Variants in RORA observed in about 807,000 individuals in gnomAD.
RORA encodes the protein nuclear receptor ROR-alpha.
In RORA, 7 loss-of-function variants were observed where a neutral mutation model predicts 69.5. The observed-to-expected ratio is 0.10, with a 90% confidence interval of 0.06 to 0.19. The LOEUF is 0.19. Among genes scored for constraint, RORA ranks in the 10% least tolerant of loss-of-function variants. The pLI, the probability that RORA is intolerant of heterozygous loss-of-function variation, is 1.00. For synonymous variants in RORA, 261 were observed against 240.8 expected, an observed-to-expected ratio of 1.08 and a Z score of -0.78; for missense variants, 457 against 663.0, an observed-to-expected ratio of 0.69 and a Z score of 3.41.
At chr15:60,725,851 G>C (rs963820934) in intron 1 of RORA, among the ~76,000 whole-genome samples, 2 of 152,140 alleles carry the variant, frequency 1.3e-5, no homozygotes, top group Non-Finnish European at 2.9e-5. Flanking sequence ...TCAGTCATAC[G>C]AGTGAAGTGG....
chr15:60,800,932 C>T (rs892461734), intron 1 of RORA, among the ~76,000 whole-genome samples: 4 of 152,180 alleles, frequency 2.6e-5, no homozygotes, highest in African/African-American at 4.8e-5. Context: ...GCAGGGGCCA[C>T]GTTGAGCCTG....
intron 1 of RORA, among the ~76,000 whole-genome samples, chr15:60,706,040 A>C (rs2071058272): frequency 6.6e-6 from 1 of 152,168 alleles, no homozygotes; most frequent in Non-Finnish European, 1.5e-5. Context: ...GCACGGTAAA[A>C]AGGGCACACG....
intron 1 of RORA, among the ~76,000 whole-genome samples, chr15:61,080,759 A>T (rs2078527333): frequency 1.3e-5 from 2 of 152,174 alleles, no homozygotes; most frequent in South Asian, 4.1e-4. Flanking sequence ...ATGGGTGTGA[A>T]TGTGGATGCA....
intron 2 of RORA, among the ~76,000 whole-genome samples, chr15:60,645,950 A>G (rs2070037075): frequency 6.6e-6 from 1 of 152,202 alleles, no homozygotes; most frequent in African/African-American, 2.4e-5. Context: ...CAAATCAGTA[A>G]AAAGCAGAAA....
At chr15:60,852,961 A>G (rs2073341362) in intron 1 of RORA, among the ~76,000 whole-genome samples, 1 of 152,220 alleles carries the variant, frequency 6.6e-6, no homozygotes, top group Non-Finnish European at 1.5e-5. Flanking sequence ...TCTTCTGCTG[A>G]CAGCATCTCC....
At chr15:60,832,257 C>T (rs1368815009) in intron 1 of RORA, among the ~76,000 whole-genome samples, 1 of 150,842 alleles carries the variant, frequency 6.6e-6, no homozygotes, top group East Asian at 1.9e-4. Flanking sequence ...TGACAATCTG[C>T]ACTCCCAAGC....
chr15:60,834,029 G>A (rs2073082564), intron 1 of RORA, among the ~76,000 whole-genome samples: 2 of 152,186 alleles, frequency 1.3e-5, no homozygotes, highest in East Asian at 1.9e-4. Flanking sequence ...TGTCCCACTG[G>A]ACAGCCCTAG....
Position 60,661,257 on chromosome 15 carries a change from G to A in RORA, c.196+17400C>T, listed in dbSNP as rs536145170. On this transcript the variant is annotated intron_variant, in intron 2 of 10. Coordinates refer to ENST00000335670, the MANE Select transcript of RORA (RefSeq NM_134261.3). ...GTGCAGTTGCACAAGGCATGCAATC[G>A]GATGTGCTGGGCCAGGCACAATCTG... Among the ~76,000 whole-genome samples the A allele has an allele frequency of 1.6e-4, 25 of 152,220 alleles. 1 individual carries two copies. The South Asian group carries it at 4.8e-3, about 29-fold the overall frequency.
At chr15:60,610,637 G>C (rs894887912) in intron 2 of RORA, among the ~76,000 whole-genome samples, 2 of 152,116 alleles carry the variant, frequency 1.3e-5, no homozygotes, top group Admixed American at 6.6e-5. Flanking sequence ...TATATGATAG[G>C]TGATCACTTT....
intron 1 of RORA, among the ~76,000 whole-genome samples, chr15:60,835,138 A>G (rs553834744): frequency 2.6e-5 from 4 of 152,284 alleles, no homozygotes; most frequent in African/African-American, 9.6e-5. Flanking sequence ...GAGACACCCC[A>G]GTCACTTCAG....
chr15:60,861,528 A>G (rs1446060238), intron 1 of RORA, among the ~76,000 whole-genome samples: 1 of 152,054 alleles, frequency 6.6e-6, no homozygotes, highest in African/African-American at 2.4e-5. Flanking sequence ...AGATAGATTG[A>G]CTGATTGATT....
At chr15:61,046,021 G>A (rs891516041) in intron 1 of RORA, among the ~76,000 whole-genome samples, 3 of 152,068 alleles carry the variant, frequency 2.0e-5, no homozygotes, top group Non-Finnish European at 2.9e-5. Context: ...CTGGAAGGTC[G>A]GTGGGGAGCA....
At chr15:60,867,638 G>A (rs1408194110) in intron 1 of RORA, among the ~76,000 whole-genome samples, 1 of 152,094 alleles carries the variant, frequency 6.6e-6, no homozygotes, top group South Asian at 2.1e-4. Flanking sequence ...AGATGCATTA[G>A]AGCCTAAGTG....
chr15:61,021,701 C>T (rs1354916596), intron 1 of RORA, among the ~76,000 whole-genome samples: 1 of 152,184 alleles, frequency 6.6e-6, no homozygotes. Flanking sequence ...TTAAAATCCT[C>T]TGATGTACTT....
chr15:60,790,655 C>T (rs2072402120), intron 1 of RORA, among the ~76,000 whole-genome samples: 1 of 152,186 alleles, frequency 6.6e-6, no homozygotes, highest in Admixed American at 6.5e-5. Context: ...ACTGAGTCCC[C>T]CATGAAGGAG....
rs1202133261 is a variant in RORA at position 60,911,087 on chromosome 15, T to G, written c.167-232401A>C. ...CCAGCTAATTTTTTTTTTTTTTTTTTTTTTTTTTTTTTTTTTTTTGTATTT... is the reference window on the plus strand; with the variant it reads ...CCAGCTAATTTTTTTTTTTTTTTTTGTTTTTTTTTTTTTTTTTTTGTATTT... On this transcript the variant is annotated intron_variant, in intron 1 of 10. Coordinates refer to ENST00000335670, the MANE Select transcript of RORA (RefSeq NM_134261.3). Among the ~76,000 whole-genome samples the G allele has an allele frequency of 1.7e-3, 92 of 53,086 alleles. 1 individual carries two copies. In the East Asian group the frequency reaches 0.047, roughly 27 times the overall value. 34.8% of individuals were successfully genotyped at this position (53,086 alleles called of 152,430 possible). A position where few individuals can be genotyped will look rare whatever the true frequency, so the allele number is the denominator to read the frequency against.
At chr15:60,777,912 AC>A (rs2140335516) in intron 1 of RORA, among the ~76,000 whole-genome samples, 1 of 152,362 alleles carries the variant, frequency 6.6e-6, no homozygotes, top group African/African-American at 2.4e-5. Context: ...CGGTTGCCTC[AC>A]AAAAGCACAT....
intron 1 of RORA, among the ~76,000 whole-genome samples, chr15:60,817,778 G>A (rs1567201422): frequency 6.6e-6 from 1 of 152,214 alleles, no homozygotes; most frequent in Non-Finnish European, 1.5e-5. Context: ...AAATCACTTG[G>A]CAGAGAGAAT....
At chr15:61,209,126 A>C (rs1011845227) in intron 1 of RORA, among the ~76,000 whole-genome samples, 1 of 152,234 alleles carries the variant, frequency 6.6e-6, no homozygotes, top group Admixed American at 6.5e-5. Flanking sequence ...CTGCTTCAGT[A>C]CTTCTAATGG....
Sources: allele counts gnomAD v4.1 joint callset (sites outside exome capture counted in the v4.1 genomes callset), GRCh38; gene constraint gnomAD v4.1.1; transcripts MANE v1.5; gene names NCBI Gene and HGNC (gene_info 2026-07-23, HGNC 2026-07-21).